The following HAGHL variants were observed in gnomAD, a reference collection of about 807,000 sequenced individuals.
HAGHL encodes the protein hydroxyacylglutathione hydrolase like.
HAGHL carries 27 observed loss-of-function variants against 29.2 expected under a neutral mutation model. That is an observed-to-expected ratio of 0.92 (90% CI 0.68 to 1.27). The LOEUF is 1.27. Among genes scored for constraint, HAGHL ranks in the 50% most tolerant of loss-of-function variants. The pLI is 0.00. For synonymous variants in HAGHL, 223 were observed against 185.7 expected (o/e 1.20, Z -1.63); for missense variants, 529 against 405.5 (o/e 1.30, Z -2.62).
At chr16:728,472 C>G in intron 4 of HAGHL, 32 bp from the exon 5 acceptor site, 1 of 1,509,952 alleles carries the variant, frequency 6.6e-7, no homozygotes, top group Non-Finnish European at 8.9e-7. Flanking sequence ...CCGGCCCCGC[C>G]CCATCTGCTC....
At chr16:728,672 G>C in intron 5 of HAGHL, 68 bp downstream of exon 5, 1 of 1,274,134 alleles carries the variant, frequency 7.8e-7, no homozygotes, top group South Asian at 1.4e-5. Context: ...CCCTCACTGT[G>C]CTAGGGGTGC....
In HAGHL at chr16:728,197, G is replaced by T; in HGVS notation, c.252G>T (p.Ser84=). ...TGGGCGCGGACGAGCGCATCTTCTCGCTGACGCGCAGGCTGGCGCACGGCG... is the reference window on the plus strand; with the variant it reads ...TGGGCGCGGACGAGCGCATCTTCTCTCTGACGCGCAGGCTGGCGCACGGCG... ...AVLGADERIF[S]LTRRLAHGEE... is the part of the protein sequence containing the mutation. The change falls in exon 3 of 8, where the codon TCG becomes TCT. Residue 84 remains serine (S), a synonymous_variant. Coordinates refer to ENST00000389703, the MANE Select transcript of HAGHL (RefSeq NM_032304.4). The T allele has an allele frequency of 6.9e-7, 1 of 1,453,038 alleles. No individual in the cohort carries two copies. Among genetic ancestry groups the T allele is most frequent in the Non-Finnish European group, 9.0e-7 (1 of 1,113,562 alleles). The allele number at this position is 1,453,038 out of a possible 1,614,324, so 90.0% of individuals were successfully genotyped here.
Position 729,088 on chromosome 16 carries a change from C to T in HAGHL, c.680C>T (p.Ala227Val), listed in dbSNP as rs369832125. The T allele has an allele frequency of 2.5e-6, 4 of 1,608,400 alleles. No homozygotes were observed. The highest frequency in any genetic ancestry group is 2.2e-5 in the East Asian group (1 of 44,862). ...ERLYNPFLRV[A>V]EEPVRKFTGK... ...CTCTACAACCCCTTCCTGCGGGTGG[C>T]GTGAGTATGGCTGTTGTCCCGGGGC... is the stretch of plus-strand genomic sequence containing the variant. The change falls in exon 7 of 8, where the codon GCA becomes GTA. Residue 227 changes from alanine to valine, a missense_variant and splice_region_variant. Physicochemically the swap from Ala to Val is moderately conservative, Grantham distance 64. Transcript: ENST00000389703.
rs1406815 is a variant in HAGHL, at chr16:728,158, C to A, written c.213C>A (p.Pro71=). ...ACCCGGAGCTGGCGCGGCTTCGTCCCGGGCTGGCGGTGCTGGGCGCGGACG... is the reference window on the plus strand; with the variant it reads ...ACCCGGAGCTGGCGCGGCTTCGTCCAGGGCTGGCGGTGCTGGGCGCGGACG... ...RGNPELARLR[P]GLAVLGADER... is the part of the protein sequence containing the mutation. The change falls in exon 3 of 8, where the codon CCC becomes CCA. Residue 71 remains proline, a synonymous_variant. Coordinates refer to ENST00000389703, the MANE Select transcript of HAGHL (RefSeq NM_032304.4). 1.4e-6 allele frequency: 2 copies of A among 1,467,680 alleles called. No individual in the cohort carries two copies. The highest frequency in any genetic ancestry group is 1.8e-6 in the Non-Finnish European group (2 of 1,118,106). The allele number at this position is 1,467,680 out of a possible 1,614,324, so 90.9% of individuals were successfully genotyped here.
chr16:728,676 G>A (rs2041191942), intron 5 of HAGHL, 72 bp downstream of exon 5: 1 of 1,269,224 alleles, frequency 7.9e-7, no homozygotes, highest in Non-Finnish European at 1.1e-6. Context: ...CACTGTGCTA[G>A]GGGTGCAGAG....
Position 729,458 on chromosome 16 carries a change from C to A in HAGHL, c.*2C>A. On this transcript the variant is annotated 3_prime_UTR_variant, in exon 8 of 8. Coordinates refer to ENST00000389703, the MANE Select transcript of HAGHL (RefSeq NM_032304.4). ...CTGAGTGCAGCCCCACACGACTGAG[C>A]CACCCAGACCCTCACAGGGCTGGGG... 6.5e-7 allele frequency: 1 copy of A among 1,538,680 alleles called. No homozygotes were observed. Among genetic ancestry groups the A allele is most frequent in the African/African-American group, 1.4e-5 (1 of 72,974 alleles).
At position 728,601 on chromosome 16, in the gene HAGHL, G is replaced by T; in HGVS notation, c.495G>T (p.Glu165Asp). ...CCGAGCTGGGTACCCTGCCCCCCGAGACGGTGAGCGGGCCTGGGCCCTCCC... is the reference window on the plus strand; with the variant it reads ...CCGAGCTGGGTACCCTGCCCCCCGATACGGTGAGCGGGCCTGGGCCCTCCC... ...SLAELGTLPPETKVFCGHEHT... is the reference protein window; with the variant it reads ...SLAELGTLPPDTKVFCGHEHT... The change falls in exon 5 of 8, where the codon GAG becomes GAT. Residue 165 changes from glutamate to aspartate, a missense_variant. Coordinates refer to ENST00000389703, the MANE Select transcript of HAGHL (RefSeq NM_032304.4). 6.7e-7 allele frequency: 1 copy of T among 1,489,952 alleles called. No homozygotes were observed. The highest frequency in any genetic ancestry group is 1.3e-5 in the South Asian group (1 of 78,492). The allele number at this position is 1,489,952 out of a possible 1,614,324, so 92.3% of individuals were successfully genotyped here.
chr16:728,713 G>C, intron 5 of HAGHL, 81 bp from the exon 6 acceptor site: 1 of 1,398,994 alleles, frequency 7.1e-7, no homozygotes, highest in Non-Finnish European at 1.0e-6. Flanking sequence ...GGCAGACCGG[G>C]CAGGGGAGGC....
intron 6 of HAGHL, 22 bp downstream of exon 6, chr16:728,917 G>C (rs1397634290): frequency 1.0e-6 from 1 of 978,648 alleles, no homozygotes; most frequent in Non-Finnish European, 1.5e-6. Flanking sequence ...TTCCCGCCGC[G>C]GCAAGAGGGT....
rs750025153 is a variant in HAGHL, at chr16:729,365, G to A, written c.758G>A (p.Arg253His). Reference sequence around the variant, plus strand: ...GAGGCGCTATGCAAGGAGCGGGCGCGCTTCGAACAGGCGGGCGAGCCGCGG... The same window carrying A: ...GAGGCGCTATGCAAGGAGCGGGCGCACTTCGAACAGGCGGGCGAGCCGCGG... ...VLEALCKERARFEQAGEPRQP... is the reference protein window; with the variant it reads ...VLEALCKERAHFEQAGEPRQP... The change falls in exon 8 of 8, where the codon CGC becomes CAC. Residue 253 changes from arginine (R) to histidine (H), a missense_variant. Arg to His is a conservative substitution (Grantham distance 29). Transcript: ENST00000389703. 15 of 1,530,506 alleles carry A rather than the reference G, an allele frequency of 9.8e-6. No individual in the cohort carries two copies. Among genetic ancestry groups the A allele is most frequent in the African/African-American group, 1.4e-5 (1 of 72,062 alleles). 94.8% of individuals were successfully genotyped at this position (1,530,506 alleles called of 1,614,324 possible). A position where few individuals can be genotyped will look rare whatever the true frequency, so the allele number is the denominator to read the frequency against.
rs566630267 is a variant in HAGHL, at chr16:729,280, C to T, written c.681-8C>T. 4.6e-6 allele frequency: 7 copies of T among 1,520,218 alleles called. No individual in the cohort carries two copies. Among genetic ancestry groups the T allele is most frequent in the Non-Finnish European group, 6.2e-6 (7 of 1,135,646 alleles). 94.2% of individuals were successfully genotyped at this position (1,520,218 alleles called of 1,614,324 possible). ...GGGCCCTGCGCCTCACTGCACCCCT[C>T]CCTGCAGAGAGGAGCCGGTGCGCAA... is the stretch of plus-strand genomic sequence containing the variant. On this transcript the variant is annotated splice_polypyrimidine_tract_variant and splice_region_variant and intron_variant, in intron 7 of 7. Coordinates refer to ENST00000389703, the MANE Select transcript of HAGHL (RefSeq NM_032304.4).
chr16:728,988 C>A lies in HAGHL; in HGVS notation c.601-21C>A, dbSNP rs747646985. 32 of 1,597,842 alleles carry A rather than the reference C, an allele frequency of 2.0e-5. No homozygotes were observed. The Admixed American group carries it at 5.5e-4, about 28-fold the overall frequency. ...CTCTCAGACAAGGCCTAATGGTGACCGGGGCCTGTGGTCACTCCAGAAGAG... is the reference window on the plus strand; with the variant it reads ...CTCTCAGACAAGGCCTAATGGTGACAGGGGCCTGTGGTCACTCCAGAAGAG... On this transcript the variant is annotated intron_variant, in intron 6 of 7. Transcript: ENST00000389703.
chr16:729,536 C>T lies in HAGHL; in HGVS notation c.*80C>T, dbSNP rs540257344. On this transcript the variant is annotated 3_prime_UTR_variant, in exon 8 of 8. Transcript: ENST00000389703. ...AGCTGGACCCACATGAGGGCCACCT[C>T]TGGAACCTTCTTCGAGGCCCTGGCC... is the stretch of plus-strand genomic sequence containing the variant. 7.9e-5 allele frequency: 121 copies of T among 1,534,180 alleles called. No homozygotes were observed. Among genetic ancestry groups the T allele is most frequent in the South Asian group, 6.7e-4 (56 of 83,690 alleles).
At position 728,585 on chromosome 16, in the gene HAGHL, G is replaced by A. The variant is rs1211073393; in HGVS notation, c.479G>A (p.Gly160Asp). The change falls in exon 5 of 8, where the codon GGT becomes GAT. Residue 160 changes from glycine (G) to aspartate (D), a missense_variant. Physicochemically the swap from Gly to Asp is moderately conservative, Grantham distance 94. Coordinates refer to ENST00000389703, the MANE Select transcript of HAGHL (RefSeq NM_032304.4). ...QQMYQSLAEL[G>D]TLPPETKVFC... is the part of the protein sequence containing the mutation. ...ATGTACCAGAGCCTGGCCGAGCTGGGTACCCTGCCCCCCGAGACGGTGAGC... is the reference window on the plus strand; with the variant it reads ...ATGTACCAGAGCCTGGCCGAGCTGGATACCCTGCCCCCCGAGACGGTGAGC... 3 of 1,513,432 alleles carry A rather than the reference G, an allele frequency of 2.0e-6. No individual in the cohort carries two copies. Among genetic ancestry groups the A allele is most frequent in the Admixed American group, 2.1e-5 (1 of 47,324 alleles). 93.8% of individuals were successfully genotyped at this position (1,513,432 alleles called of 1,614,324 possible). A position where few individuals can be genotyped will look rare whatever the true frequency, so the allele number is the denominator to read the frequency against.
In HAGHL at chr16:729,371, A is replaced by G; in HGVS notation, c.764A>G (p.Glu255Gly). 6.5e-7 allele frequency: 1 copy of G among 1,529,736 alleles called. No individual in the cohort carries two copies. Among genetic ancestry groups the G allele is most frequent in the Non-Finnish European group, 8.8e-7 (1 of 1,140,966 alleles). 94.8% of individuals were successfully genotyped at this position (1,529,736 alleles called of 1,614,324 possible). Reference protein sequence around the residue: ...EALCKERARFEQAGEPRQPQA... With the variant: ...EALCKERARFGQAGEPRQPQA... ...CTATGCAAGGAGCGGGCGCGCTTCG[A>G]ACAGGCGGGCGAGCCGCGGCAGCCA... The change falls in exon 8 of 8, where the codon GAA (glutamate) becomes GGA (glycine). Residue 255 changes from glutamate (E) to glycine (G), a missense_variant. Physicochemically the swap from Glu to Gly is moderately conservative, Grantham distance 98. Coordinates refer to ENST00000389703, the MANE Select transcript of HAGHL (RefSeq NM_032304.4).
Position 728,250 on chromosome 16 carries a change from G to A in HAGHL, c.288+17G>A, listed in dbSNP as rs2151591342. ...GAGCTGCGGGTGAGCGCGCGCTCCC[G>A]GGAGGGGCGGGGAGGGCGCCCCGGG... On this transcript the variant is annotated intron_variant, in intron 3 of 7. Coordinates refer to ENST00000389703, the MANE Select transcript of HAGHL (RefSeq NM_032304.4). 2.0e-6 allele frequency: 3 copies of A among 1,498,520 alleles called. No homozygotes were observed. Among genetic ancestry groups the A allele is most frequent in the Admixed American group, 4.2e-5 (2 of 47,190 alleles). The allele number at this position is 1,498,520 out of a possible 1,614,324, so 92.8% of individuals were successfully genotyped here.
rs1051253894 is a variant in HAGHL at position 728,003 on chromosome 16, C to G, written c.144C>G (p.Thr48=). ...TGGGCCGGGAGGGGGTGTCTCTGAC[C>G]GCTGTGCTGACCACCCACCATCACT... ...EIVGREGVSL[T]AVLTTHHHWD... is the part of the protein sequence containing the mutation. Residue 48 remains threonine (T), a synonymous_variant, in exon 2 of 8, where the codon ACC becomes ACG. Transcript: ENST00000389703. 2.5e-6 allele frequency: 4 copies of G among 1,606,018 alleles called. No individual in the cohort carries two copies. The highest frequency in any genetic ancestry group is 1.1e-5 in the South Asian group (1 of 90,168).
At chr16:729,223 A>AC (rs1233763918) in intron 7 of HAGHL, 65 bp from the exon 8 acceptor site, 54 of 1,544,530 alleles carry the variant, frequency 3.5e-5, no homozygotes, top group Non-Finnish European at 4.6e-5. Flanking sequence ...CTGCCCGCCC[A>AC]CCCCTCGGCG....
intron 5 of HAGHL, 65 bp from the exon 6 acceptor site, chr16:728,729 C>T (rs2041196731): frequency 6.7e-7 from 1 of 1,488,438 alleles, no homozygotes. Context: ...GAGGCCAGGC[C>T]CCCGGCGCAA....
Sources: allele counts gnomAD v4.1 joint callset, GRCh38; gene constraint gnomAD v4.1.1; transcripts MANE v1.5; gene names NCBI Gene and HGNC (gene_info 2026-07-23, HGNC 2026-07-21).